The following LCA5 variants were observed in gnomAD, a reference collection of about 807,000 sequenced individuals.
LCA5 encodes lebercilin LCA5.
Under a neutral mutation model 53.0 loss-of-function variants are expected in LCA5, and 37 were observed. That is an observed-to-expected ratio of 0.70 (90% confidence interval 0.54 to 0.92). LCA5 has a LOEUF of 0.92. Among genes scored for constraint, LCA5 ranks in the 40% least tolerant of loss-of-function variants. The probability of loss-of-function intolerance (pLI) is 0.00; values close to 1 mark genes in which losing one functional copy is unlikely to be tolerated. For synonymous variants in LCA5, 303 were observed against 282.9 expected (o/e 1.07, Z -0.71); for missense variants, 806 against 790.5 (o/e 1.02, Z -0.23).
chr6:79,501,260 T>C (rs1007182334), intron 3 of LCA5, among the ~76,000 whole-genome samples: 5 of 152,124 alleles, frequency 3.3e-5, no homozygotes, highest in African/African-American at 9.7e-5. Flanking sequence ...ATCAAATTCG[T>C]TGGGCCTCCT....
chr6:79,494,317 C>G (rs1472570168), intron 3 of LCA5, among the ~76,000 whole-genome samples: 1 of 152,098 alleles, frequency 6.6e-6, no homozygotes, highest in African/African-American at 2.4e-5. Context: ...ACTACCAAAG[C>G]TGCGGAGAGT....
At chr6:79,538,517 T>A (rs1333407440), upstream of LCA5, among the ~76,000 whole-genome samples, 1 of 152,212 alleles carries the variant, frequency 6.6e-6, no homozygotes, top group African/African-American at 2.4e-5. Flanking sequence ...CATCTGTTAG[T>A]GAAAATAAGA....
chr6:79,503,512 A>C (rs1012501983), intron 3 of LCA5, among the ~76,000 whole-genome samples: 17 of 152,166 alleles, frequency 1.1e-4, no homozygotes, highest in Admixed American at 5.9e-4. Context: ...CACTGCACTA[A>C]ATTATTTCCA....
chr6:79,500,395 T>G (rs1582626576), intron 3 of LCA5, among the ~76,000 whole-genome samples: 1 of 152,314 alleles, frequency 6.6e-6, no homozygotes, highest in East Asian at 1.9e-4. Context: ...ATAAGTTATT[T>G]TACCTTCATT....
intron 4 of LCA5, 36 bp from the exon 5 acceptor site, chr6:79,492,683 C>G: frequency 9.0e-7 from 1 of 1,106,080 alleles, no homozygotes; most frequent in Non-Finnish European, 1.4e-6. Flanking sequence ...GGAAGTAGAG[C>G]CTCTGCTTAA....
intron 3 of LCA5, among the ~76,000 whole-genome samples, chr6:79,499,853 C>T (rs1050852173): frequency 2.0e-5 from 3 of 151,374 alleles, no homozygotes; most frequent in South Asian, 4.2e-4. Context: ...CCACTCCCCC[C>T]ACCCCACAAC....
intron 3 of LCA5, among the ~76,000 whole-genome samples, chr6:79,504,485 T>G (rs943837862): frequency 6.6e-6 from 1 of 151,974 alleles, no homozygotes; most frequent in African/African-American, 2.4e-5. Flanking sequence ...AAAACACAAG[T>G]GAGGTAAAGA....
chr6:79,517,246 T>C (rs1462647242), intron 2 of LCA5, among the ~76,000 whole-genome samples: 2 of 152,028 alleles, frequency 1.3e-5, no homozygotes, highest in Non-Finnish European at 2.9e-5. Context: ...AAGGAAATAA[T>C]TGAAATTTTC....
chr6:79,516,871 A>C (rs536424296), intron 2 of LCA5, among the ~76,000 whole-genome samples: 5 of 152,132 alleles, frequency 3.3e-5, no homozygotes, highest in African/African-American at 9.6e-5. Flanking sequence ...AAGATATGTT[A>C]ATATTATTGA....
chr6:79,495,876 G>GA (rs942799557), intron 3 of LCA5, among the ~76,000 whole-genome samples: 6 of 148,738 alleles, frequency 4.0e-5, no homozygotes, highest in South Asian at 2.2e-4. Context: ...CGTGTTTATT[G>GA]AAAAAAAAAA....
chr6:79,528,203 T>C (rs1248909155), intron 1 of LCA5, among the ~76,000 whole-genome samples: 1 of 152,182 alleles, frequency 6.6e-6, no homozygotes, highest in Non-Finnish European at 1.5e-5. Context: ...AAGTCTGTCA[T>C]TGTTCTTTCC....
intron 3 of LCA5, among the ~76,000 whole-genome samples, chr6:79,504,992 A>T (rs1002410245): frequency 6.6e-6 from 1 of 152,202 alleles, no homozygotes; most frequent in Admixed American, 6.5e-5. Flanking sequence ...ACATAGCAAC[A>T]ATTTCTTAAC....
intron 3 of LCA5, among the ~76,000 whole-genome samples, chr6:79,495,325 T>G (rs1331913581): frequency 6.6e-6 from 1 of 152,110 alleles, no homozygotes; most frequent in African/African-American, 2.4e-5. Context: ...GGGACCGCTG[T>G]ACTAAAGGAC....
At chr6:79,505,593 A>C (rs1770252843) in intron 3 of LCA5, among the ~76,000 whole-genome samples, 1 of 152,170 alleles carries the variant, frequency 6.6e-6, no homozygotes, top group Non-Finnish European at 1.5e-5. Flanking sequence ...AACGACTGCA[A>C]CCTGGAGGTA....
chr6:79,535,873 G>C (rs747817639), intron 1 of LCA5, among the ~76,000 whole-genome samples: 7 of 152,106 alleles, frequency 4.6e-5, no homozygotes, highest in Non-Finnish European at 1.0e-4. Context: ...ATGGTGGGCC[G>C]AGGAAGAAGA....
intron 7 of LCA5, chr6:79,488,567 TTG>T (rs1044182514): frequency 1.2e-4 from 20 of 160,386 alleles, no homozygotes; most frequent in African/African-American, 4.6e-4. Flanking sequence ...GATAAATGTG[TTG>T]TGTCAAAGTT....
intron 3 of LCA5, among the ~76,000 whole-genome samples, chr6:79,508,272 C>T (rs1039793893): frequency 1.3e-5 from 2 of 152,140 alleles, no homozygotes; most frequent in African/African-American, 4.8e-5. Flanking sequence ...TGGTTGTCCC[C>T]ATAGATACCT....
At chr6:79,537,034 T>A (rs1016000884) in intron 1 of LCA5, 131 bp downstream of exon 1, 2 of 152,700 alleles carry the variant, frequency 1.3e-5, no homozygotes, top group African/African-American at 4.8e-5. Flanking sequence ...TCCCTTCATC[T>A]TCCCTGCTTT....
intron 1 of LCA5, among the ~76,000 whole-genome samples, chr6:79,534,349 C>G (rs562928149): frequency 6.6e-6 from 1 of 151,956 alleles, no homozygotes; most frequent in Non-Finnish European, 1.5e-5. Context: ...CAAATTAAAA[C>G]ATCTTAAGTA....
Sources: gnomAD v4.1 joint callset for allele counts (sites outside exome capture counted in the v4.1 genomes callset) on GRCh38, gnomAD v4.1.1 for gene constraint, MANE v1.5 for transcripts, NCBI Gene and HGNC (gene_info 2026-07-23, HGNC 2026-07-21) for gene names.